The following CCDC60 variants were observed in gnomAD, a reference collection of about 807,000 sequenced individuals.
CCDC60 encodes coiled-coil domain containing 60.
CCDC60 carries 54 observed loss-of-function variants against 63.5 expected under a neutral mutation model. The observed-to-expected ratio is 0.85, with a 90% CI of 0.68 to 1.07. The LOEUF (loss-of-function observed/expected upper bound fraction) is 1.07. CCDC60 is among the 50% of genes least tolerant of loss of function. CCDC60 has a pLI of 0.00. For missense variants in CCDC60, 651 were observed against 684.3 expected (o/e 0.95, Z 0.54); for synonymous variants, 206 against 238.8 (o/e 0.86, Z 1.27).
intron 1 of CCDC60, among the ~76,000 whole-genome samples, chr12:119,424,530 A>C (rs1337352391): frequency 6.6e-6 from 1 of 152,240 alleles, no homozygotes; most frequent in Non-Finnish European, 1.5e-5. Context: ...TGGCTGGGGC[A>C]AGAGGATATG....
At chr12:119,344,986 C>T (rs561897662) in intron 1 of CCDC60, among the ~76,000 whole-genome samples, 10 of 152,144 alleles carry the variant, frequency 6.6e-5, no homozygotes, top group East Asian at 3.9e-4. Flanking sequence ...CCAGGTCACA[C>T]GCTTCTTTTG....
At chr12:119,338,445 T>C in intron 1 of CCDC60, among the ~76,000 whole-genome samples, 1 of 152,168 alleles carries the variant, frequency 6.6e-6, no homozygotes, top group East Asian at 1.9e-4. Context: ...TATGAACTGT[T>C]ACCTCTTCAT....
chr12:119,345,677 G>T (rs1955584616), intron 1 of CCDC60, among the ~76,000 whole-genome samples: 1 of 152,102 alleles, frequency 6.6e-6, no homozygotes, highest in South Asian at 2.1e-4. Flanking sequence ...AAATCCTTAT[G>T]GTTTTTCACG....
At chr12:119,428,838 T>C in intron 2 of CCDC60, 76 bp downstream of exon 2, 1 of 935,806 alleles carries the variant, frequency 1.1e-6, no homozygotes, top group East Asian at 2.6e-5. Context: ...TGCCTACAAG[T>C]CCTTGCCCAG....
At chr12:119,478,364 C>A (rs961673420) in intron 3 of CCDC60, among the ~76,000 whole-genome samples, 9 of 151,684 alleles carry the variant, frequency 5.9e-5, no homozygotes, top group East Asian at 1.9e-4. Context: ...ACAACCACCC[C>A]CCCCCAAAAA....
At position 119,335,122 on chromosome 12, in the gene CCDC60, T is replaced by G; in HGVS notation, c.-55T>G. ...TACCAGTAACTACTGAAGTAGAAGA[T>G]TCTGGAAAAATCCTTGTCTTGGGGG... On this transcript the variant is annotated 5_prime_UTR_variant, in exon 1 of 14. Transcript: ENST00000327554. 6.9e-7 allele frequency: 1 copy of G among 1,451,598 alleles called. No individual in the cohort carries two copies. The highest frequency in any genetic ancestry group is 2.3e-5 in the East Asian group (1 of 42,988). 89.9% of individuals were successfully genotyped at this position (1,451,598 alleles called of 1,614,324 possible).
intron 2 of CCDC60, among the ~76,000 whole-genome samples, chr12:119,457,126 GAAACACCTT>G (rs1950763318): frequency 1.3e-5 from 2 of 152,180 alleles, no homozygotes; most frequent in Admixed American, 1.3e-4. Context: ...CTTAGCCAAA[GAAACACCTT>G]AGGTTCTTCC....
intron 11 of CCDC60, among the ~76,000 whole-genome samples, chr12:119,526,305 A>C (rs1236374474): frequency 6.6e-6 from 1 of 152,212 alleles, no homozygotes; most frequent in Non-Finnish European, 1.5e-5. Context: ...AAAACTATAA[A>C]ATCCCTGGAA....
chr12:119,406,085 C>G (rs770046347), intron 1 of CCDC60, among the ~76,000 whole-genome samples: 1 of 152,064 alleles, frequency 6.6e-6, no homozygotes, highest in African/African-American at 2.4e-5. Flanking sequence ...GCAGGAGAAT[C>G]GCTTGAACCC....
chr12:119,340,421 G>A (rs1000324867), intron 1 of CCDC60, among the ~76,000 whole-genome samples: 1 of 152,150 alleles, frequency 6.6e-6, no homozygotes, highest in South Asian at 2.1e-4. Context: ...GATCCCCAGG[G>A]TCTAGTTCTC....
At chr12:119,401,327 A>T (rs1956388280) in intron 1 of CCDC60, among the ~76,000 whole-genome samples, 1 of 152,194 alleles carries the variant, frequency 6.6e-6, no homozygotes, top group Admixed American at 6.5e-5. Context: ...GAGGTTCAGG[A>T]TCCCATTCAT....
At chr12:119,397,064 G>T (rs1374325946) in intron 1 of CCDC60, among the ~76,000 whole-genome samples, 1 of 152,118 alleles carries the variant, frequency 6.6e-6, no homozygotes, top group African/African-American at 2.4e-5. Context: ...TAAAGGCAGG[G>T]CATCTGGAGT....
At chr12:119,509,057 G>A (rs1952136138) in intron 7 of CCDC60, among the ~76,000 whole-genome samples, 1 of 152,056 alleles carries the variant, frequency 6.6e-6, no homozygotes, top group African/African-American at 2.4e-5. Flanking sequence ...CTGCAGGCAT[G>A]TCCCCAGTGG....
At chr12:119,349,699 G>A (rs1955635397) in intron 1 of CCDC60, among the ~76,000 whole-genome samples, 1 of 152,126 alleles carries the variant, frequency 6.6e-6, no homozygotes, top group Admixed American at 6.5e-5. Context: ...ACAACGGACA[G>A]ACATTCCACA....
At chr12:119,390,971 C>G (rs1956147591) in intron 1 of CCDC60, among the ~76,000 whole-genome samples, 1 of 152,260 alleles carries the variant, frequency 6.6e-6, no homozygotes, top group South Asian at 2.1e-4. Context: ...GCCACCTAGT[C>G]AGACCTCAGT....
chr12:119,497,513 G>A (rs149362200), intron 5 of CCDC60, among the ~76,000 whole-genome samples: 115 of 152,336 alleles, frequency 7.5e-4, no homozygotes, highest in African/African-American at 2.8e-3. Flanking sequence ...CCTGCTGCTT[G>A]AAGTCGCAAT....
At position 119,409,424 on chromosome 12, in the gene CCDC60, T is replaced by A. The variant is rs78212159; in HGVS notation, c.91-19259T>A. ...GCAAGTTGTGACAGCCAAAAAGAAC[T>A]TCTGTAACACCTTGGGAAGTTGCCT... On this transcript the variant is annotated intron_variant, in intron 1 of 13. Transcript: ENST00000327554. Among the ~76,000 whole-genome samples, 649 of 152,102 alleles carry A rather than the reference T, an allele frequency of 4.3e-3. 3 individuals carry two copies. The highest frequency in any genetic ancestry group is 0.014 in the African/African-American group (586 of 41,488).
At chr12:119,450,856 C>CAAA (rs761740089) in intron 2 of CCDC60, among the ~76,000 whole-genome samples, 3 of 85,506 alleles carry the variant, frequency 3.5e-5, no homozygotes, top group Non-Finnish European at 6.7e-5. Flanking sequence ...GACTCCATCT[C>CAAA]AAAAAAAAAA....
At chr12:119,366,046 T>C (rs1225275263) in intron 1 of CCDC60, among the ~76,000 whole-genome samples, 1 of 152,196 alleles carries the variant, frequency 6.6e-6, no homozygotes, top group Non-Finnish European at 1.5e-5. Flanking sequence ...GACCTAACTA[T>C]ATAAATAGAC....
Sources: gnomAD v4.1 joint callset for allele counts (sites outside exome capture counted in the v4.1 genomes callset) on GRCh38, gnomAD v4.1.1 for gene constraint, MANE v1.5 for transcripts, NCBI Gene and HGNC (gene_info 2026-07-23, HGNC 2026-07-21) for gene names.